EVX2: variants seen among roughly 807,000 people sequenced by gnomAD.
The protein encoded by EVX2 is homeobox even-skipped homolog protein 2.
A neutral mutation model predicts 19.2 loss-of-function variants in EVX2; 10 were observed. The ratio of observed to expected loss-of-function variants is 0.52; its 90% CI spans 0.32 to 0.89. The LOEUF is 0.89. EVX2 is among the 40% of genes least tolerant of loss of function. EVX2 has a pLI of 0.03. For synonymous variants in EVX2, 354 were observed against 328.4 expected, an observed-to-expected ratio of 1.08 and a Z score of -0.84; for missense variants, 710 against 694.9, an observed-to-expected ratio of 1.02 and a Z score of -0.24.
chr2:176,080,095 G>A lies in EVX2; in HGVS notation c.*12C>T. On this transcript the variant is annotated 3_prime_UTR_variant, in exon 3 of 3. Transcript: ENST00000308618. The surrounding 1 kb of genome is among the most constrained non-coding windows in gnomAD (Gnocchi z 7.0). ...GAGAGGCGGGCGCGGCCCCCTGGCG[G>A]TGGCGACGTAGTTATCTGGTGAGCG... The A allele has an allele frequency of 6.6e-7, 1 of 1,517,196 alleles. No homozygotes were observed. 94.0% of individuals were successfully genotyped at this position (1,517,196 alleles called of 1,614,324 possible). A position where few individuals can be genotyped will look rare whatever the true frequency, so the allele number is the denominator to read the frequency against.
In EVX2 at chr2:176,080,629, G is replaced by T. The variant is rs1478399497; in HGVS notation, c.909C>A (p.Gly303=). 6 of 1,539,160 alleles carry T rather than the reference G, an allele frequency of 3.9e-6. No individual in the cohort carries two copies. The African/African-American group carries it at 8.4e-5, about 21-fold the overall frequency. Residue 303 remains glycine (G), a synonymous_variant, in exon 3 of 3, where the codon GGC becomes GGA. Coordinates refer to ENST00000308618, the MANE Select transcript of EVX2 (RefSeq NM_001080458.2). This position sits in a 1 kb window ranked among gnomAD's most constrained non-coding sequence, Gnocchi z 7.0. ...TAAAAAAAAS[G]AAAAASSPFA... ...AGGGCGACGAAGCCGCGGCCGCCGC[G>T]CCTGAGGCTGCAGCCGCGGCCGCCG...
In EVX2 at chr2:176,080,230, G is replaced by A. The variant is rs993172406; in HGVS notation, c.1308C>T (p.Asp436=). The A allele has an allele frequency of 4.2e-6, 6 of 1,421,794 alleles. No homozygotes were observed. Among genetic ancestry groups the A allele is most frequent in the Non-Finnish European group, 5.5e-6 (6 of 1,083,626 alleles). 88.1% of individuals were successfully genotyped at this position (1,421,794 alleles called of 1,614,324 possible). Residue 436 remains aspartate (D), a synonymous_variant, in exon 3 of 3, where the codon GAC becomes GAT. Coordinates refer to ENST00000308618, the MANE Select transcript of EVX2 (RefSeq NM_001080458.2). This position sits in a 1 kb window ranked among gnomAD's most constrained non-coding sequence, Gnocchi z 7.0. ...GGGAGAGGGS[D]FGCSAAAPRS... ...GCGGCGCCGCCGCGCTGCAGCCGAA[G>A]TCCGAGCCTCCCCCGGCCCCGGCGC...
rs1689118608 is a variant in EVX2, at chr2:176,080,296, G to A, written c.1242C>T (p.Gly414=). 7.8e-7 allele frequency: 1 copy of A among 1,282,988 alleles called. No individual in the cohort carries two copies. Among genetic ancestry groups the A allele is most frequent in the Non-Finnish European group, 9.9e-7 (1 of 1,006,394 alleles). 79.5% of individuals were successfully genotyped at this position (1,282,988 alleles called of 1,614,324 possible). Residue 414 remains glycine (G), a synonymous_variant, in exon 3 of 3, where the codon GGC becomes GGT. Coordinates refer to ENST00000308618, the MANE Select transcript of EVX2 (RefSeq NM_001080458.2). The surrounding 1 kb of genome is among the most constrained non-coding windows in gnomAD (Gnocchi z 7.0). ...CACCACCACCACCGCCGCCGCCACC[G>A]CCACCCCGGGAACCCAGGGCTGCGG... is the stretch of plus-strand genomic sequence containing the variant. ...AAAAALGSRG[G]GGGGGGGGGG...
chr2:176,079,732 C>G lies in EVX2; in HGVS notation c.*375G>C, dbSNP rs544752829. ...GGTTCTCCGTTGCTTCGGGCCACGCCGTTCAGCCAAGCAACCCGGACCTGA... is the reference window on the plus strand; with the variant it reads ...GGTTCTCCGTTGCTTCGGGCCACGCGGTTCAGCCAAGCAACCCGGACCTGA... On this transcript the variant is annotated 3_prime_UTR_variant, in exon 3 of 3. Transcript: ENST00000308618. The surrounding 1 kb of genome is among the most constrained non-coding windows in gnomAD (Gnocchi z 4.4). The G allele has an allele frequency of 8.2e-5, 14 of 171,662 alleles. No individual in the cohort carries two copies. In the South Asian group the frequency reaches 1.8e-3, roughly 22 times the overall value. The allele number at this position is 171,662 out of a possible 1,614,324, so 10.6% of individuals were successfully genotyped here. A position where few individuals can be genotyped will look rare whatever the true frequency, so the allele number is the denominator to read the frequency against.
In EVX2 at chr2:176,083,489, G is replaced by C; in HGVS notation, c.288C>G (p.Ala96=). The change falls in exon 1 of 3, where the codon GCC becomes GCG. Residue 96 remains alanine, a synonymous_variant. Transcript: ENST00000308618. This position sits in a 1 kb window ranked among gnomAD's most constrained non-coding sequence, Gnocchi z 4.4. ...AATGGCCCGGCTTCTTGCGGCTCTC[G>C]GCGGCGGAGGAGATTTCGGAGGAGA... The part of the protein sequence containing the change: ...STVSSEISSA[A]ESRKKPGHYS... 2.5e-6 allele frequency: 4 copies of C among 1,614,210 alleles called. No individual in the cohort carries two copies. The highest frequency in any genetic ancestry group is 2.5e-6 in the Non-Finnish European group (3 of 1,180,058).
chr2:176,082,472 C>G lies in EVX2; in HGVS notation c.428-23G>C, dbSNP rs1278145372. The stretch of plus-strand genomic sequence containing the variant: ...ACCCTGGCAAACAAACGACCAACAG[C>G]GCATGAGTGGCTGTAGGACCAACAG... On this transcript the variant is annotated intron_variant, in intron 1 of 2. Transcript: ENST00000308618. This position sits in a 1 kb window ranked among gnomAD's most constrained non-coding sequence, Gnocchi z 5.2. 6.6e-7 allele frequency: 1 copy of G among 1,521,330 alleles called. No individual in the cohort carries two copies. Among genetic ancestry groups the G allele is most frequent in the South Asian group, 1.3e-5 (1 of 76,978 alleles). 94.2% of individuals were successfully genotyped at this position (1,521,330 alleles called of 1,614,324 possible).
At position 176,082,136 on chromosome 2, in the gene EVX2, G is replaced by A; in HGVS notation, c.699+42C>T. The A allele has an allele frequency of 6.7e-7, 1 of 1,496,752 alleles. No homozygotes were observed. The highest frequency in any genetic ancestry group is 8.9e-7 in the Non-Finnish European group (1 of 1,126,140). The allele number at this position is 1,496,752 out of a possible 1,614,324, so 92.7% of individuals were successfully genotyped here. ...GGAAAAAGAAACAATCAACCCAGAT[G>A]CCCCCGGGGAGGCCAGAGCAGGCAT... On this transcript the variant is annotated intron_variant, in intron 2 of 2. Transcript: ENST00000308618. This position sits in a 1 kb window ranked among gnomAD's most constrained non-coding sequence, Gnocchi z 5.2.
chr2:176,082,987 G>A lies in EVX2; in HGVS notation c.427+363C>T, dbSNP rs1307687367. ...CCCCTCCAGCCCTGAGGGCACAGGG[G>A]CAGGGGAGTTCAGAGTAGTTGCCCA... is the stretch of plus-strand genomic sequence containing the variant. On this transcript the variant is annotated intron_variant, in intron 1 of 2. Transcript: ENST00000308618. This position sits in a 1 kb window ranked among gnomAD's most constrained non-coding sequence, Gnocchi z 5.2. Among the ~76,000 whole-genome samples, 5 of 152,254 alleles carry A rather than the reference G, an allele frequency of 3.3e-5. No homozygotes were observed. Among genetic ancestry groups the A allele is most frequent in the African/African-American group, 9.6e-5 (4 of 41,464 alleles).
In EVX2 at chr2:176,081,575, C is replaced by A. The variant is rs542985032; in HGVS notation, c.699+603G>T. 1.6e-3 allele frequency among the ~76,000 whole-genome samples: 247 copies of A among 152,224 alleles called. No individual in the cohort carries two copies. Among genetic ancestry groups the A allele is most frequent in the African/African-American group, 5.5e-3 (230 of 41,548 alleles). On this transcript the variant is annotated intron_variant, in intron 2 of 2. Transcript: ENST00000308618. This position sits in a 1 kb window ranked among gnomAD's most constrained non-coding sequence, Gnocchi z 5.9. ...ACGCTCCATGAAGGGCTCACCAAAT[C>A]GCCTAACCTCCCGGCTATCTCTCCC...
Position 176,080,234 on chromosome 2 carries a change from G to C in EVX2, c.1304C>G (p.Ser435Trp). 1 of 1,414,972 alleles carries C rather than the reference G, an allele frequency of 7.1e-7. No individual in the cohort carries two copies. The allele number at this position is 1,414,972 out of a possible 1,614,324, so 87.7% of individuals were successfully genotyped here. ...GGGGAGAGGG[S>W]DFGCSAAAPR... ...CGCCGCCGCGCTGCAGCCGAAGTCC[G>C]AGCCTCCCCCGGCCCCGGCGCCCCC... is the stretch of plus-strand genomic sequence containing the variant. Residue 435 changes from serine to tryptophan, a missense_variant, in exon 3 of 3, where the codon TCG (serine) becomes TGG (tryptophan). Transcript: ENST00000308618. This position sits in a 1 kb window ranked among gnomAD's most constrained non-coding sequence, Gnocchi z 7.0.
In EVX2 at chr2:176,080,342, G is replaced by A. The variant is rs1689120887; in HGVS notation, c.1196C>T (p.Ala399Val). The A allele has an allele frequency of 3.2e-6, 4 of 1,264,204 alleles. No individual in the cohort carries two copies. Among genetic ancestry groups the A allele is most frequent in the South Asian group, 3.8e-5 (2 of 52,688 alleles). 78.3% of individuals were successfully genotyped at this position (1,264,204 alleles called of 1,614,324 possible). Reference sequence around the variant, plus strand: ...TGCGGCAGCTGCTGCCGCGGCTGCCGCCGCCGACTGACTGCTGTGGCAACT... The same window carrying A: ...TGCGGCAGCTGCTGCCGCGGCTGCCACCGCCGACTGACTGCTGTGGCAACT... ...CLSCHSSQSA[A>V]AAAAAAAAAL... The change falls in exon 3 of 3, where the codon GCG becomes GTG. Residue 399 changes from alanine to valine, a missense_variant. By Grantham distance (64) the Ala-to-Val change is moderately conservative. Transcript: ENST00000308618. The surrounding 1 kb of genome is among the most constrained non-coding windows in gnomAD (Gnocchi z 7.0).
rs1220338387 is a variant in EVX2 at position 176,082,930 on chromosome 2, C to T, written c.427+420G>A. Among the ~76,000 whole-genome samples the T allele has an allele frequency of 6.6e-6, 1 of 152,250 alleles. No individual in the cohort carries two copies. The highest frequency in any genetic ancestry group is 2.1e-4 in the South Asian group (1 of 4,834). Reference sequence around the variant, plus strand: ...CCGCTGACCTAAACAGAGACGCCGGCGAGGCTTCCTCCGACTTACCCAGAA... The same window carrying T: ...CCGCTGACCTAAACAGAGACGCCGGTGAGGCTTCCTCCGACTTACCCAGAA... On this transcript the variant is annotated intron_variant, in intron 1 of 2. Coordinates refer to ENST00000308618, the MANE Select transcript of EVX2 (RefSeq NM_001080458.2). The surrounding 1 kb of genome is among the most constrained non-coding windows in gnomAD (Gnocchi z 5.2).
chr2:176,080,320 G>C lies in EVX2; in HGVS notation c.1218C>G (p.Ala406=), dbSNP rs1386087136. ...CGCCACCCCGGGAACCCAGGGCTGC[G>C]GCAGCTGCTGCCGCGGCTGCCGCCG... ...QSAAAAAAAA[A]AALGSRGGGG... is the part of the protein sequence containing the mutation. Residue 406 remains alanine (A), a synonymous_variant, in exon 3 of 3, where the codon GCC becomes GCG. Transcript: ENST00000308618. This position sits in a 1 kb window ranked among gnomAD's most constrained non-coding sequence, Gnocchi z 7.0. 1.4e-5 allele frequency: 18 copies of C among 1,304,286 alleles called. No homozygotes were observed. Among genetic ancestry groups the C allele is most frequent in the South Asian group, 3.7e-5 (2 of 54,396 alleles). 80.8% of individuals were successfully genotyped at this position (1,304,286 alleles called of 1,614,324 possible).
Position 176,082,220 on chromosome 2 carries a change from G to A in EVX2, c.657C>T (p.Cys219=). ...RENYVSRPRR[C]ELAAALNLPE... ...GCAGGTTGAGTGCCGCGGCCAGCTC[G>A]CACCGGCGGGGCCGCGACACATAGT... is the stretch of plus-strand genomic sequence containing the variant. Residue 219 remains cysteine (C), a synonymous_variant, in exon 2 of 3, where the codon TGC becomes TGT. Transcript: ENST00000308618. This position sits in a 1 kb window ranked among gnomAD's most constrained non-coding sequence, Gnocchi z 5.2. 6.2e-7 allele frequency: 1 copy of A among 1,600,968 alleles called. No individual in the cohort carries two copies. The highest frequency in any genetic ancestry group is 8.5e-7 in the Non-Finnish European group (1 of 1,176,728).
chr2:176,080,052 G>T lies in EVX2; in HGVS notation c.*55C>A. The T allele has an allele frequency of 1.4e-6, 2 of 1,471,556 alleles. No homozygotes were observed. Among genetic ancestry groups the T allele is most frequent in the South Asian group, 1.4e-5 (1 of 73,892 alleles). 91.2% of individuals were successfully genotyped at this position (1,471,556 alleles called of 1,614,324 possible). ...CGGAGGGCTCAGGGGGCGCACAGGG[G>T]ACTCCCGGGCACACTCAGAGAGGCG... On this transcript the variant is annotated 3_prime_UTR_variant, in exon 3 of 3. Coordinates refer to ENST00000308618, the MANE Select transcript of EVX2 (RefSeq NM_001080458.2). The surrounding 1 kb of genome is among the most constrained non-coding windows in gnomAD (Gnocchi z 7.0).
chr2:176,079,048 G>C lies in EVX2; in HGVS notation c.*1059C>G, dbSNP rs1287116999. The C allele has an allele frequency of 6.6e-6, 1 of 152,572 alleles. No homozygotes were observed. The highest frequency in any genetic ancestry group is 1.5e-5 in the Non-Finnish European group (1 of 68,218). 9.5% of individuals were successfully genotyped at this position (152,572 alleles called of 1,614,324 possible). A position where few individuals can be genotyped will look rare whatever the true frequency, so the allele number is the denominator to read the frequency against. ...CCCGAGGAAAAGGAAAGCGAGGAGA[G>C]AAGGGGACGAGGGACATAGAGAGTT... On this transcript the variant is annotated 3_prime_UTR_variant, in exon 3 of 3. Transcript: ENST00000308618. The surrounding 1 kb of genome is among the most constrained non-coding windows in gnomAD (Gnocchi z 4.4).
At position 176,078,673 on chromosome 2, in the gene EVX2, G is replaced by T. The variant is rs959271196; in HGVS notation, c.*1434C>A. 4.6e-5 allele frequency: 7 copies of T among 152,204 alleles called. No homozygotes were observed. Among genetic ancestry groups the T allele is most frequent in the African/African-American group, 1.7e-4 (7 of 41,448 alleles). The allele number at this position is 152,204 out of a possible 1,614,324, so 9.4% of individuals were successfully genotyped here. A position where few individuals can be genotyped will look rare whatever the true frequency, so the allele number is the denominator to read the frequency against. On this transcript the variant is annotated 3_prime_UTR_variant, in exon 3 of 3. Transcript: ENST00000308618. ...AAATAACATACATTCTATGCACCAA[G>T]AACAATGTTTTATGTACCGAGTCTC...
At position 176,080,841 on chromosome 2, in the gene EVX2, G is replaced by A. The variant is rs1239956492; in HGVS notation, c.700-3C>T. 7 of 1,608,654 alleles carry A rather than the reference G, an allele frequency of 4.4e-6. No homozygotes were observed. Among genetic ancestry groups the A allele is most frequent in the Non-Finnish European group, 5.9e-6 (7 of 1,178,194 alleles). On this transcript the variant is annotated splice_polypyrimidine_tract_variant and splice_region_variant and intron_variant, in intron 2 of 2. Coordinates refer to ENST00000308618, the MANE Select transcript of EVX2 (RefSeq NM_001080458.2). The surrounding 1 kb of genome is among the most constrained non-coding windows in gnomAD (Gnocchi z 7.0). ...ATGCGCCGGTTCTGGAACCACACCTGCGGGGAGAGACGCGCCGCAGCCTGG... is the reference window on the plus strand; with the variant it reads ...ATGCGCCGGTTCTGGAACCACACCTACGGGGAGAGACGCGCCGCAGCCTGG...
rs1305382749 is a variant in EVX2 at position 176,077,745 on chromosome 2, G to A, written c.*2362C>T. 1 of 152,102 alleles carries A rather than the reference G, an allele frequency of 6.6e-6. No homozygotes were observed. Among genetic ancestry groups the A allele is most frequent in the Non-Finnish European group, 1.5e-5 (1 of 68,010 alleles). 9.4% of individuals were successfully genotyped at this position (152,102 alleles called of 1,614,324 possible). On this transcript the variant is annotated 3_prime_UTR_variant, in exon 3 of 3. Coordinates refer to ENST00000308618, the MANE Select transcript of EVX2 (RefSeq NM_001080458.2). ...GGAAATGTAAACATTACTGCCTAAAGTACCTTATATACATCTGTTAGCTGA... is the reference window on the plus strand; with the variant it reads ...GGAAATGTAAACATTACTGCCTAAAATACCTTATATACATCTGTTAGCTGA...
Sources: allele counts gnomAD v4.1 joint callset (sites outside exome capture counted in the v4.1 genomes callset), GRCh38; gene constraint gnomAD v4.1.1; non-coding constraint Gnocchi (gnomAD v3.1); transcripts MANE v1.5; gene names NCBI Gene and HGNC (gene_info 2026-07-23, HGNC 2026-07-21).